Variants in FAM114A1 observed in about 807,000 individuals in gnomAD.
FAM114A1 encodes protein NOXP20.
In FAM114A1, 62 loss-of-function variants were observed where a neutral mutation model predicts 64.3. That is an observed-to-expected ratio of 0.96 (90% CI 0.79 to 1.19). FAM114A1 has a LOEUF of 1.19. Among genes scored for constraint, FAM114A1 ranks in the 50% most tolerant of loss-of-function variants. The pLI is 0.00. For missense variants in FAM114A1, 645 were observed against 676.3 expected, an observed-to-expected ratio of 0.95 and a Z score of 0.51; for synonymous variants, 254 against 251.1, an observed-to-expected ratio of 1.01 and a Z score of -0.11.
At chr4:38,922,449 G>A (rs1033841307) in intron 8 of FAM114A1, among the ~76,000 whole-genome samples, 2 of 152,180 alleles carry the variant, frequency 1.3e-5, no homozygotes, top group Non-Finnish European at 2.9e-5. Context: ...GTCAAACTGC[G>A]TTTTTAACCA....
intron 2 of FAM114A1, among the ~76,000 whole-genome samples, chr4:38,870,056 T>C (rs1275690053): frequency 1.3e-5 from 2 of 152,184 alleles, no homozygotes; most frequent in African/African-American, 4.8e-5. Flanking sequence ...GGAGCAGGTG[T>C]AAGCACAGTG....
At chr4:38,898,411 T>C (rs953774623) in intron 4 of FAM114A1, among the ~76,000 whole-genome samples, 1 of 152,216 alleles carries the variant, frequency 6.6e-6, no homozygotes, top group African/African-American at 2.4e-5. Flanking sequence ...TTACAGAGAA[T>C]GGCAAACTTG....
intron 10 of FAM114A1, among the ~76,000 whole-genome samples, chr4:38,929,706 G>A (rs1194123215): frequency 6.6e-6 from 1 of 152,246 alleles, no homozygotes; most frequent in African/African-American, 2.4e-5. Context: ...GAACCCAGGA[G>A]GCCAAGGTTG....
At chr4:38,879,833 G>C (rs1450879347) in intron 3 of FAM114A1, among the ~76,000 whole-genome samples, 4 of 152,142 alleles carry the variant, frequency 2.6e-5, no homozygotes, top group African/African-American at 9.7e-5. Flanking sequence ...AACTTCAGCT[G>C]AATGTTACCA....
At chr4:38,900,225 TA>T (rs34215730) in intron 4 of FAM114A1, among the ~76,000 whole-genome samples, 70,876 of 146,848 alleles carry the variant, frequency 0.48, 16,850 homozygotes, top group Middle Eastern at 0.59. Context: ...ACGATTATTT[TA>T]AAAAAAAAAA....
At chr4:38,915,976 G>A (rs1221679956) in intron 8 of FAM114A1, among the ~76,000 whole-genome samples, 5 of 152,206 alleles carry the variant, frequency 3.3e-5, no homozygotes, top group East Asian at 1.9e-4. Context: ...GGGAGGGGCC[G>A]TGGTGACATT....
At chr4:38,870,207 C>G (rs1371902456) in intron 2 of FAM114A1, among the ~76,000 whole-genome samples, 3 of 152,194 alleles carry the variant, frequency 2.0e-5, no homozygotes, top group South Asian at 2.1e-4. Flanking sequence ...ATGTCCTGGC[C>G]TCTCAGACAC....
intron 2 of FAM114A1, among the ~76,000 whole-genome samples, chr4:38,873,277 A>G (rs1714267832): frequency 6.6e-6 from 1 of 152,354 alleles, no homozygotes; most frequent in Admixed American, 6.5e-5. Context: ...TTGCTTACAC[A>G]AATACATTCT....
intron 7 of FAM114A1, among the ~76,000 whole-genome samples, chr4:38,910,213 T>C (rs1718406700): frequency 6.6e-6 from 1 of 150,614 alleles, no homozygotes; most frequent in African/African-American, 2.5e-5. Context: ...CACTCTAGCC[T>C]GGGCAATAAA....
chr4:38,932,669 T>A (rs1158049917), intron 12 of FAM114A1, among the ~76,000 whole-genome samples: 1 of 145,468 alleles, frequency 6.9e-6, no homozygotes, highest in Non-Finnish European at 1.5e-5. Flanking sequence ...GCTAATTTTT[T>A]AATTAATTGC....
chr4:38,877,803 A>C (rs181599257), intron 2 of FAM114A1, among the ~76,000 whole-genome samples: 394 of 152,282 alleles, frequency 2.6e-3, no homozygotes, highest in African/African-American at 9.4e-3. Context: ...CGTTTCTACT[A>C]AAAACACAAA....
At chr4:38,877,450 T>C (rs975315113) in intron 2 of FAM114A1, among the ~76,000 whole-genome samples, 3 of 152,120 alleles carry the variant, frequency 2.0e-5, no homozygotes, top group Admixed American at 2.0e-4. Flanking sequence ...ATAGGGTTCA[T>C]GCTCCTATGA....
chr4:38,941,924 C>A (rs139780865), intron 14 of FAM114A1, among the ~76,000 whole-genome samples: 10,030 of 152,218 alleles, frequency 0.066, 436 homozygotes, highest in Non-Finnish European at 0.095. Flanking sequence ...TGAGACTGGG[C>A]AATTTACAAA....
chr4:38,877,748 T>C (rs1714789782), intron 2 of FAM114A1, among the ~76,000 whole-genome samples: 1 of 152,168 alleles, frequency 6.6e-6, no homozygotes. Flanking sequence ...GTGGATCACC[T>C]GAGGTCGGGA....
rs557486959 is a variant in FAM114A1, at chr4:38,929,302, A to G, written c.1130A>G (p.His377Arg). The change falls in exon 10 of 15, where the codon CAT becomes CGT. Residue 377 changes from histidine to arginine, a missense_variant. Transcript: ENST00000358869. ...RMLTELLFEL[H>R]VAATPDKLNK... ...CTTACAGAGCTTCTCTTTGAATTAC[A>G]TGTGGCGGCCACACCTGACAAACTC... 5.1e-5 allele frequency: 83 copies of G among 1,613,992 alleles called. No homozygotes were observed. In the South Asian group the frequency reaches 6.0e-4, roughly 12 times the overall value.
intron 7 of FAM114A1, among the ~76,000 whole-genome samples, chr4:38,914,151 C>T (rs954488697): frequency 6.6e-6 from 1 of 152,004 alleles, no homozygotes; most frequent in Non-Finnish European, 1.5e-5. Context: ...ATCAGGCCAG[C>T]TTATTTCTGC....
At chr4:38,871,519 T>A (rs1714078579) in intron 2 of FAM114A1, among the ~76,000 whole-genome samples, 1 of 152,218 alleles carries the variant, frequency 6.6e-6, no homozygotes, top group Non-Finnish European at 1.5e-5. Flanking sequence ...CAATAGTCCA[T>A]AAATATGTTT....
chr4:38,879,553 A>G (rs1715000647), intron 3 of FAM114A1, among the ~76,000 whole-genome samples: 1 of 152,096 alleles, frequency 6.6e-6, no homozygotes, highest in African/African-American at 2.4e-5. Flanking sequence ...CCTCCCACCC[A>G]CTTTTCTCAA....
chr4:38,926,972 G>T (rs1720167699), intron 9 of FAM114A1, among the ~76,000 whole-genome samples: 1 of 152,144 alleles, frequency 6.6e-6, no homozygotes, highest in Admixed American at 6.5e-5. Context: ...TTTGCTTGTT[G>T]TGGCTTCGTC....
Sources: gnomAD v4.1 joint callset for allele counts (sites outside exome capture counted in the v4.1 genomes callset) on GRCh38, gnomAD v4.1.1 for gene constraint, MANE v1.5 for transcripts, NCBI Gene and HGNC (gene_info 2026-07-23, HGNC 2026-07-21) for gene names.